PKP2: variants seen among roughly 807,000 people sequenced by gnomAD.
PKP2 encodes the protein plakophilin-2.
PKP2 carries 73 observed loss-of-function variants against 83.4 expected under a neutral mutation model. The ratio of observed to expected loss-of-function variants is 0.88; its 90% CI spans 0.72 to 1.06. The LOEUF is 1.06. PKP2 is among the 50% of genes least tolerant of loss of function. PKP2 has a pLI of 0.00. For synonymous variants in PKP2, 409 were observed against 430.4 expected (o/e 0.95, Z 0.62); for missense variants, 966 against 1,065.4 (o/e 0.91, Z 1.30).
At chr12:32,857,612 TA>T (rs1276868170) in intron 4 of PKP2, among the ~76,000 whole-genome samples, 3 of 152,176 alleles carry the variant, frequency 2.0e-5, no homozygotes, top group African/African-American at 7.2e-5. Flanking sequence ...GCACCATGTT[TA>T]ACCTAAGAAG....
Position 32,841,214 on chromosome 12 carries a change from G to A in PKP2, c.1379-9C>T. 1 of 1,611,112 alleles carries A rather than the reference G, an allele frequency of 6.2e-7. No homozygotes were observed. The highest frequency in any genetic ancestry group is 8.5e-7 in the Non-Finnish European group (1 of 1,178,232). ...CAAATTCCACAGCAAACCTAGAAAA[G>A]CACAGAGTTACCATGAAAACAGTGC... On this transcript the variant is annotated splice_polypyrimidine_tract_variant and intron_variant, in intron 5 of 12. Coordinates refer to ENST00000340811, the MANE Select transcript of PKP2 (RefSeq NM_001005242.3).
intron 6 of PKP2, among the ~76,000 whole-genome samples, chr12:32,837,621 C>T (rs1308325958): frequency 6.6e-6 from 1 of 152,188 alleles, no homozygotes; most frequent in Non-Finnish European, 1.5e-5. Context: ...GTGGTCTGGA[C>T]TGTTTTGCAA....
intron 6 of PKP2, among the ~76,000 whole-genome samples, chr12:32,835,653 A>G (rs906087152): frequency 1.3e-5 from 2 of 152,224 alleles, no homozygotes; most frequent in Non-Finnish European, 2.9e-5. Context: ...CTTCTTTGAA[A>G]AGGAATGTTT....
chr12:32,820,870 T>C (rs1316046529), intron 9 of PKP2: 2 of 180,910 alleles, frequency 1.1e-5, no homozygotes, highest in Non-Finnish European at 2.3e-5. Flanking sequence ...ATTGGGAAAA[T>C]GGTAGTTTGT....
At chr12:32,798,084 GT>G (rs10623676) in intron 10 of PKP2, among the ~76,000 whole-genome samples, 60 of 124,154 alleles carry the variant, frequency 4.8e-4, no homozygotes, top group Admixed American at 8.4e-4. Context: ...TACTACTCTT[GT>G]TTTTTTTTTT....
At chr12:32,874,949 A>G (rs918082355) in intron 3 of PKP2, among the ~76,000 whole-genome samples, 3 of 151,754 alleles carry the variant, frequency 2.0e-5, no homozygotes, top group African/African-American at 7.3e-5. Context: ...GGGTCTCCCT[A>G]TTTTGCCCAA....
intron 7 of PKP2, among the ~76,000 whole-genome samples, chr12:32,823,589 A>T (rs1402689549): frequency 1.4e-5 from 2 of 147,124 alleles, no homozygotes; most frequent in African/African-American, 5.0e-5. Flanking sequence ...TAGAAAAATA[A>T]GGCAATAGGT....
intron 9 of PKP2, among the ~76,000 whole-genome samples, chr12:32,815,039 AC>A (rs138048759): frequency 0.052 from 7,908 of 152,192 alleles, 255 homozygotes; most frequent in Non-Finnish European, 0.079. Context: ...CTGATTTTAT[AC>A]TTGTCTACCA....
In PKP2 at chr12:32,841,127, T is replaced by G; in HGVS notation, c.1457A>C (p.Asn486Thr). Reference protein sequence around the residue: ...ITEALLTLTENIIIPFSGWPE... With the variant: ...ITEALLTLTETIIIPFSGWPE... ...CCACCCAGAAAAGGGGATGATGATATTCTCCGTCAGCGTAAGCAATGCTTC... is the reference window on the plus strand; with the variant it reads ...CCACCCAGAAAAGGGGATGATGATAGTCTCCGTCAGCGTAAGCAATGCTTC... The change falls in exon 6 of 13, where the codon AAT becomes ACT. Residue 486 changes from asparagine to threonine, a missense_variant. Asn to Thr is a moderately conservative substitution (Grantham distance 65). Coordinates refer to ENST00000340811, the MANE Select transcript of PKP2 (RefSeq NM_001005242.3). The G allele has an allele frequency of 6.2e-7, 1 of 1,613,382 alleles. No individual in the cohort carries two copies. The highest frequency in any genetic ancestry group is 8.5e-7 in the Non-Finnish European group (1 of 1,179,322).
chr12:32,888,809 T>TC (rs1284295174), intron 1 of PKP2, among the ~76,000 whole-genome samples: 1 of 149,486 alleles, frequency 6.7e-6, no homozygotes, highest in Non-Finnish European at 1.5e-5. Flanking sequence ...TTTTTTTTTT[T>TC]TGAGACAGGG....
chr12:32,796,381 A>C (rs1956124959), intron 10 of PKP2, 83 bp from the exon 11 acceptor site: 5 of 1,239,160 alleles, frequency 4.0e-6, no homozygotes, highest in East Asian at 2.5e-5. Flanking sequence ...TTGGGTGAAG[A>C]ACATTCTTTT....
chr12:32,843,237 T>C, intron 5 of PKP2: 2 of 905,898 alleles, frequency 2.2e-6, no homozygotes, highest in Non-Finnish European at 1.6e-6. Context: ...CGCCTTGGCC[T>C]CCCAAAGTGC....
At chr12:32,858,100 T>A (rs1216458485) in intron 4 of PKP2, among the ~76,000 whole-genome samples, 37 of 91,862 alleles carry the variant, frequency 4.0e-4, no homozygotes, top group Non-Finnish European at 5.3e-4. Flanking sequence ...TATATATATA[T>A]ATATATATAT....
In PKP2 at chr12:32,877,974, C is replaced by T. The variant is rs1244629613; in HGVS notation, c.906G>A (p.Arg302=). The T allele has an allele frequency of 1.2e-6, 2 of 1,614,140 alleles. No homozygotes were observed. Among genetic ancestry groups the T allele is most frequent in the Admixed American group, 3.3e-5 (2 of 60,034 alleles). The part of the protein sequence containing the change: ...QSSFHSTRTL[R]EAGPSVAVDS... Reference sequence around the variant, plus strand: ...CCACGGCGACACTGGGCCCAGCTTCCCTCAGCGTGCGGGTGCTGTGGAAGG... The same window carrying T: ...CCACGGCGACACTGGGCCCAGCTTCTCTCAGCGTGCGGGTGCTGTGGAAGG... The change falls in exon 3 of 13, where the codon AGG becomes AGA. Residue 302 remains arginine, a synonymous_variant. Coordinates refer to ENST00000340811, the MANE Select transcript of PKP2 (RefSeq NM_001005242.3).
At chr12:32,844,911 T>C (rs1481728774) in intron 5 of PKP2, among the ~76,000 whole-genome samples, 1 of 152,208 alleles carries the variant, frequency 6.6e-6, no homozygotes, top group Non-Finnish European at 1.5e-5. Flanking sequence ...TGATTCTGAA[T>C]AGATGTCCCT....
intron 1 of PKP2, among the ~76,000 whole-genome samples, chr12:32,888,150 G>A (rs1342613008): frequency 3.3e-5 from 5 of 152,156 alleles, no homozygotes; most frequent in African/African-American, 1.2e-4. Context: ...TCCAGCCTGG[G>A]CAACAGAGAC....
Position 32,822,566 on chromosome 12 carries a change from C to T in PKP2, c.1740G>A (p.Glu580=). The change falls in exon 8 of 13, where the codon GAG becomes GAA. Residue 580 remains glutamate, a synonymous_variant. Transcript: ENST00000340811. ...LSYQLEAELP[E]KYSQNIYIQN... is the part of the protein sequence containing the mutation. Reference sequence around the variant, plus strand: ...GAATATAGATATTCTGGGAATATTTCTCTGGGAGCTCTGCCTCCAGCTGGT... The same window carrying T: ...GAATATAGATATTCTGGGAATATTTTTCTGGGAGCTCTGCCTCCAGCTGGT... The T allele has an allele frequency of 6.2e-7, 1 of 1,613,962 alleles. No homozygotes were observed. Among genetic ancestry groups the T allele is most frequent in the Non-Finnish European group, 8.5e-7 (1 of 1,179,864 alleles).
chr12:32,796,203 A>G lies in PKP2; in HGVS notation c.2263T>C (p.Leu755=). 1 of 1,613,952 alleles carries G rather than the reference A, an allele frequency of 6.2e-7. No homozygotes were observed. Among genetic ancestry groups the G allele is most frequent in the Non-Finnish European group, 8.5e-7 (1 of 1,179,944 alleles). Residue 755 remains leucine (L), a synonymous_variant, in exon 11 of 13, where the codon TTG becomes CTG. Transcript: ENST00000340811. The part of the protein sequence containing the change: ...IETTASACYT[L]NNIIQNSYQN... ...TAACTGTTTTGGATTATGTTGTTCA[A>G]TGTGTAACAGGCAGAGGCTGTAGTT...
At chr12:32,798,294 A>G (rs891810533) in intron 10 of PKP2, among the ~76,000 whole-genome samples, 1 of 151,434 alleles carries the variant, frequency 6.6e-6, no homozygotes, top group Admixed American at 6.6e-5. Context: ...GGGTTTCTCC[A>G]TGTTGAGGCT....
Sources: gnomAD v4.1 joint callset for allele counts (sites outside exome capture counted in the v4.1 genomes callset) on GRCh38, gnomAD v4.1.1 for gene constraint, MANE v1.5 for transcripts, NCBI Gene and HGNC (gene_info 2026-07-23, HGNC 2026-07-21) for gene names.